The following ATRNL1 variants were observed in gnomAD, a reference collection of about 807,000 sequenced individuals.
ATRNL1 encodes attractin-like protein 1.
Under a neutral mutation model 182.7 loss-of-function variants are expected in ATRNL1, and 95 were observed. The observed-to-expected ratio is 0.52, with a 90% confidence interval of 0.44 to 0.62. The LOEUF (loss-of-function observed/expected upper bound fraction) is 0.62, where lower values mean the gene tolerates loss of function less well. ATRNL1 is among the 20% of genes least tolerant of loss of function. The pLI, the probability that ATRNL1 is intolerant of heterozygous loss-of-function variation, is 0.00. For synonymous variants in ATRNL1, 576 were observed against 568.3 expected (o/e 1.01, Z -0.19); for missense variants, 1,471 against 1,679.5 (o/e 0.88, Z 2.17).
intron 28 of ATRNL1, among the ~76,000 whole-genome samples, chr10:115,917,268 C>T (rs1279100361): frequency 2.6e-5 from 4 of 151,834 alleles, no homozygotes; most frequent in African/African-American, 9.7e-5. Context: ...AGATCGAGAC[C>T]ATCCTGGCTA....
intron 25 of ATRNL1, among the ~76,000 whole-genome samples, chr10:115,519,983 ATC>A (rs1237658886): frequency 6.6e-6 from 1 of 152,156 alleles, no homozygotes; most frequent in Non-Finnish European, 1.5e-5. Context: ...GTTATAAAAT[ATC>A]TGTGTTATGA....
intron 25 of ATRNL1, among the ~76,000 whole-genome samples, chr10:115,531,540 A>G (rs1335667745): frequency 3.3e-5 from 5 of 150,718 alleles, no homozygotes; most frequent in Admixed American, 3.3e-4. Flanking sequence ...CCTTTGTCAG[A>G]TGAGTAGGTT....
intron 26 of ATRNL1, among the ~76,000 whole-genome samples, chr10:115,613,392 G>A (rs782664168): frequency 5.3e-5 from 8 of 152,096 alleles, no homozygotes; most frequent in South Asian, 2.1e-4. Context: ...GTATTATTGC[G>A]TGTAATCTTG....
chr10:115,252,892 T>G (rs1420231776), intron 10 of ATRNL1, among the ~76,000 whole-genome samples: 1 of 152,218 alleles, frequency 6.6e-6, no homozygotes, highest in African/African-American at 2.4e-5. Context: ...TCTATTGGCA[T>G]GCCTTCCTAC....
intron 1 of ATRNL1, among the ~76,000 whole-genome samples, chr10:115,101,339 G>T (rs1030928968): frequency 6.8e-6 from 1 of 147,856 alleles, no homozygotes; most frequent in South Asian, 2.1e-4. Context: ...TTATCTGTAA[G>T]TTTTTTTTTT....
At chr10:115,577,869 A>G (rs1854819948) in intron 26 of ATRNL1, among the ~76,000 whole-genome samples, 1 of 151,558 alleles carries the variant, frequency 6.6e-6, no homozygotes, top group Non-Finnish European at 1.5e-5. Flanking sequence ...CCCATTGATT[A>G]TGATATTGGT....
intron 8 of ATRNL1, among the ~76,000 whole-genome samples, chr10:115,183,756 A>G (rs1847835130): frequency 6.6e-6 from 1 of 151,588 alleles, no homozygotes; most frequent in Admixed American, 6.6e-5. Flanking sequence ...TCTCAATGCT[A>G]TGTAGGTTGT....
At chr10:115,757,725 G>T (rs967526849) in intron 27 of ATRNL1, among the ~76,000 whole-genome samples, 1 of 152,100 alleles carries the variant, frequency 6.6e-6, no homozygotes, top group Non-Finnish European at 1.5e-5. Flanking sequence ...GGTTGGGGAA[G>T]GTCTCTTGGA....
At chr10:115,488,889 G>A (rs1426826968) in intron 24 of ATRNL1, among the ~76,000 whole-genome samples, 1 of 152,168 alleles carries the variant, frequency 6.6e-6, no homozygotes, top group Non-Finnish European at 1.5e-5. Flanking sequence ...TCTACACACT[G>A]CTTTAAATGT....
intron 27 of ATRNL1, among the ~76,000 whole-genome samples, chr10:115,734,490 C>T (rs1947891849): frequency 6.6e-6 from 1 of 151,688 alleles, no homozygotes; most frequent in African/African-American, 2.4e-5. Flanking sequence ...TTCTCTAATC[C>T]TTTTCTATTT....
chr10:115,328,504 T>C (rs1855036936), intron 18 of ATRNL1, among the ~76,000 whole-genome samples: 2 of 152,170 alleles, frequency 1.3e-5, no homozygotes, highest in South Asian at 4.1e-4. Flanking sequence ...ACTACTGTTC[T>C]TGTACTCTAT....
intron 1 of ATRNL1, among the ~76,000 whole-genome samples, chr10:115,108,224 G>A (rs897974710): frequency 9.2e-5 from 14 of 151,998 alleles, no homozygotes; most frequent in Admixed American, 2.6e-4. Context: ...AAGTAGCCAC[G>A]CAGCTCTTTC....
At chr10:115,422,064 A>G (rs1032180894) in intron 20 of ATRNL1, among the ~76,000 whole-genome samples, 1 of 152,222 alleles carries the variant, frequency 6.6e-6, no homozygotes, top group Non-Finnish European at 1.5e-5. Context: ...TTAAAGACTT[A>G]AATGTACGAC....
At chr10:115,495,480 C>T (rs1565102181) in intron 24 of ATRNL1, among the ~76,000 whole-genome samples, 1 of 152,114 alleles carries the variant, frequency 6.6e-6, no homozygotes, top group Non-Finnish European at 1.5e-5. Context: ...CCTCTTAACA[C>T]TGCTTTAACT....
intron 27 of ATRNL1, among the ~76,000 whole-genome samples, chr10:115,826,655 T>C (rs782653525): frequency 6.6e-6 from 1 of 151,980 alleles, no homozygotes; most frequent in Admixed American, 6.6e-5. Context: ...TAAGGCAGAA[T>C]AGAATTTTAT....
chr10:115,784,055 T>A (rs1949336721), intron 27 of ATRNL1, among the ~76,000 whole-genome samples: 1 of 152,152 alleles, frequency 6.6e-6, no homozygotes, highest in African/African-American at 2.4e-5. Flanking sequence ...GAGTCAGAAC[T>A]GTGTTGAAGA....
At chr10:115,223,398 A>T (rs575198312) in intron 9 of ATRNL1, among the ~76,000 whole-genome samples, 2 of 152,346 alleles carry the variant, frequency 1.3e-5, no homozygotes, top group East Asian at 3.9e-4. Flanking sequence ...TAGAAAAGAT[A>T]AACCTTAAAT....
At chr10:115,590,678 A>G (rs1458269919) in intron 26 of ATRNL1, among the ~76,000 whole-genome samples, 1 of 152,136 alleles carries the variant, frequency 6.6e-6, no homozygotes, top group African/African-American at 2.4e-5. Context: ...CTAATTGTCT[A>G]ATCTTAATAG....
At chr10:115,756,863 A>G (rs138148288) in intron 27 of ATRNL1, among the ~76,000 whole-genome samples, 39 of 152,284 alleles carry the variant, frequency 2.6e-4, no homozygotes, top group African/African-American at 8.7e-4. Context: ...CGGTGCATAT[A>G]TATTTAGGAT....
Sources: allele counts gnomAD v4.1 joint callset (sites outside exome capture counted in the v4.1 genomes callset), GRCh38; gene constraint gnomAD v4.1.1; transcripts MANE v1.5; gene names NCBI Gene and HGNC (gene_info 2026-07-23, HGNC 2026-07-21).